The following PKNOX2 variants were observed in gnomAD, a reference collection of about 807,000 sequenced individuals.
The protein encoded by PKNOX2 is homeobox protein PKNOX2.
A neutral mutation model predicts 53.1 loss-of-function variants in PKNOX2; 14 were observed. The ratio of observed to expected loss-of-function variants is 0.26; its 90% confidence interval spans 0.17 to 0.41. The LOEUF is 0.41. Among genes scored for constraint, PKNOX2 ranks in the 10% least tolerant of loss-of-function variants. PKNOX2 has a pLI of 1.00. For synonymous variants in PKNOX2, 257 were observed against 242.8 expected (o/e 1.06, Z -0.54); for missense variants, 496 against 602.8 (o/e 0.82, Z 1.85).
chr11:125,198,665 C>T (rs1040715317), intron 1 of PKNOX2, among the ~76,000 whole-genome samples: 1 of 152,094 alleles, frequency 6.6e-6, no homozygotes, highest in African/African-American at 2.4e-5. Flanking sequence ...CTAAGACAAT[C>T]GGTGGTCCCA....
chr11:125,412,205 T>C (rs1206900595), intron 10 of PKNOX2, among the ~76,000 whole-genome samples: 2 of 152,082 alleles, frequency 1.3e-5, no homozygotes, highest in Non-Finnish European at 2.9e-5. Context: ...GAGTGGGTGG[T>C]TTCTGGTCCA....
At chr11:125,345,814 C>T (rs1950939522) in intron 3 of PKNOX2, among the ~76,000 whole-genome samples, 1 of 152,136 alleles carries the variant, frequency 6.6e-6, no homozygotes, top group Non-Finnish European at 1.5e-5. Context: ...TTAAATTTGA[C>T]TCAAAGTCCA....
At chr11:125,395,953 C>CTTTT (rs949920113) in intron 6 of PKNOX2, among the ~76,000 whole-genome samples, 3 of 131,904 alleles carry the variant, frequency 2.3e-5, no homozygotes, top group Admixed American at 7.7e-5. Context: ...ACTGGATCAT[C>CTTTT]TTTTTTTTTT....
chr11:125,270,958 G>C (rs999239751), intron 2 of PKNOX2, among the ~76,000 whole-genome samples: 1 of 152,176 alleles, frequency 6.6e-6, no homozygotes. Flanking sequence ...CATCTCAGAG[G>C]CTCTTGATTG....
intron 3 of PKNOX2, among the ~76,000 whole-genome samples, chr11:125,348,152 A>G (rs1267881437): frequency 2.0e-5 from 3 of 152,200 alleles, no homozygotes; most frequent in Admixed American, 6.5e-5. Flanking sequence ...CCCACTGCAA[A>G]GTCCCAGCCA....
chr11:125,244,651 T>C (rs1248422882), intron 2 of PKNOX2, among the ~76,000 whole-genome samples: 4 of 152,212 alleles, frequency 2.6e-5, no homozygotes, highest in Non-Finnish European at 5.9e-5. Flanking sequence ...TTGTGAGTGT[T>C]TTGCAAAGTG....
rs143985443 is a variant in PKNOX2 at position 125,302,761 on chromosome 11, C to T, written c.-129-29058C>T. Among the ~76,000 whole-genome samples, 685 of 152,340 alleles carry T rather than the reference C, an allele frequency of 4.5e-3. 3 individuals are homozygous for T. Among genetic ancestry groups the T allele is most frequent in the Admixed American group, 0.01 (156 of 15,306 alleles). ...AGTTTTGCCTCTTCTGGCTGGACAC[C>T]CCTCAAAGGGAGGTGCCGTGTTCCC... On this transcript the variant is annotated intron_variant, in intron 2 of 12. Coordinates refer to ENST00000298282, the MANE Select transcript of PKNOX2 (RefSeq NM_001382323.2).
chr11:125,348,319 G>A (rs572317605), intron 3 of PKNOX2, among the ~76,000 whole-genome samples: 1 of 152,178 alleles, frequency 6.6e-6, no homozygotes, highest in African/African-American at 2.4e-5. Context: ...CTGAGCTCCC[G>A]GAGTGTCAAG....
At chr11:125,241,250 G>A (rs187304853) in intron 2 of PKNOX2, among the ~76,000 whole-genome samples, 12 of 152,238 alleles carry the variant, frequency 7.9e-5, no homozygotes, top group African/African-American at 1.7e-4. Flanking sequence ...CAACTATGCC[G>A]GATTGCTCAA....
chr11:125,229,824 C>A (rs905286591), intron 1 of PKNOX2, among the ~76,000 whole-genome samples: 3 of 152,168 alleles, frequency 2.0e-5, no homozygotes, highest in African/African-American at 7.2e-5. Context: ...CGAGGGTTTA[C>A]CTCTGCTGAG....
intron 3 of PKNOX2, among the ~76,000 whole-genome samples, chr11:125,334,174 C>G (rs1950304203): frequency 6.6e-6 from 1 of 152,180 alleles, no homozygotes; most frequent in Non-Finnish European, 1.5e-5. Context: ...CCTTCTCTTC[C>G]CTGCACTCAT....
intron 2 of PKNOX2, among the ~76,000 whole-genome samples, chr11:125,312,840 G>A (rs1332226073): frequency 6.6e-6 from 1 of 152,196 alleles, no homozygotes; most frequent in African/African-American, 2.4e-5. Flanking sequence ...GGTTTCCGAG[G>A]GAAGATACCC....
intron 1 of PKNOX2, among the ~76,000 whole-genome samples, chr11:125,205,971 C>A (rs917895693): frequency 5.3e-5 from 8 of 152,040 alleles, no homozygotes; most frequent in Non-Finnish European, 8.8e-5. Context: ...GGCACAGATT[C>A]TATGTGCTAA....
intron 2 of PKNOX2, among the ~76,000 whole-genome samples, chr11:125,324,605 T>C (rs1185446188): frequency 6.6e-6 from 1 of 152,068 alleles, no homozygotes; most frequent in Non-Finnish European, 1.5e-5. Context: ...TAGGATGCTG[T>C]AAGTGGCTGG....
chr11:125,350,756 G>A (rs1362922295), intron 3 of PKNOX2, among the ~76,000 whole-genome samples: 1 of 152,172 alleles, frequency 6.6e-6, no homozygotes, highest in Non-Finnish European at 1.5e-5. Context: ...GAGGACGGGT[G>A]AGCCCTGGGG....
intron 10 of PKNOX2, among the ~76,000 whole-genome samples, chr11:125,423,271 G>C (rs591374): frequency 0.41 from 61,661 of 152,042 alleles, 13,775 homozygotes; most frequent in East Asian, 0.67. Context: ...GTGTTCTCAC[G>C]TACTTCTAAC....
intron 2 of PKNOX2, among the ~76,000 whole-genome samples, chr11:125,281,876 C>G (rs1279095619): frequency 1.3e-5 from 2 of 152,230 alleles, no homozygotes; most frequent in Non-Finnish European, 2.9e-5. Context: ...ACTCAGCCCT[C>G]TGAACTCACA....
chr11:125,278,217 T>TAA (rs530102994), intron 2 of PKNOX2, among the ~76,000 whole-genome samples: 39 of 82,782 alleles, frequency 4.7e-4, no homozygotes, highest in Admixed American at 5.5e-4. Context: ...AGACCCTGTC[T>TAA]AAAAAAAAAA....
intron 1 of PKNOX2, among the ~76,000 whole-genome samples, chr11:125,211,405 A>G (rs1213033551): frequency 2.6e-5 from 4 of 152,194 alleles, no homozygotes; most frequent in African/African-American, 9.6e-5. Context: ...CTGAGAATAC[A>G]ACTGTTGACA....
Sources: allele counts gnomAD v4.1 joint callset (sites outside exome capture counted in the v4.1 genomes callset), GRCh38; gene constraint gnomAD v4.1.1; transcripts MANE v1.5; gene names NCBI Gene and HGNC (gene_info 2026-07-23, HGNC 2026-07-21).